The following RGS3 variants were observed in gnomAD, a reference collection of about 807,000 sequenced individuals.
The protein encoded by RGS3 is regulator of G-protein signalling 3.
A neutral mutation model predicts 132.6 loss-of-function variants in RGS3; 80 were observed. The ratio of observed to expected loss-of-function variants is 0.60; its 90% CI spans 0.50 to 0.73. The LOEUF (loss-of-function observed/expected upper bound fraction) is 0.73. Among genes scored for constraint, RGS3 ranks in the 30% least tolerant of loss-of-function variants. RGS3 has a pLI of 0.00. For missense variants in RGS3, 1,382 were observed against 1,530.8 expected (o/e 0.90, Z 1.62); for synonymous variants, 598 against 620.6 (o/e 0.96, Z 0.54).
chr9:113,473,553 T>A (rs1185566717), intron 3 of RGS3, among the ~76,000 whole-genome samples: 1 of 152,060 alleles, frequency 6.6e-6, no homozygotes, highest in Non-Finnish European at 1.5e-5. Flanking sequence ...CGGCTAATTT[T>A]AAAAAAACGT....
At chr9:113,593,990 C>G (rs1835587854) in intron 21 of RGS3, 2 of 1,613,096 alleles carry the variant, frequency 1.2e-6, no homozygotes, top group Non-Finnish European at 1.7e-6. Context: ...GAGGCTGTCC[C>G]TTGCAGACAC....
Position 113,565,631 on chromosome 9 carries a change from C to T in RGS3, c.2038-17819C>T, listed in dbSNP as rs866587947. ...CGGCCGCCAGGAGCTGCCACAGCCA[C>T]GGCCGCCCGCCTGCGGGAGGAGCCG... On this transcript the variant is annotated intron_variant, in intron 19 of 24. Transcript: ENST00000350696. The surrounding 1 kb of genome is among the most constrained non-coding windows in gnomAD (Gnocchi z 5.7). The T allele has an allele frequency of 1.6e-4, 42 of 268,420 alleles. No homozygotes were observed. Among genetic ancestry groups the T allele is most frequent in the Middle Eastern group, 1.5e-3 (1 of 688 alleles). 16.6% of individuals were successfully genotyped at this position (268,420 alleles called of 1,614,324 possible). A position where few individuals can be genotyped will look rare whatever the true frequency, so the allele number is the denominator to read the frequency against.
intron 21 of RGS3, chr9:113,592,890 G>GTGTA (rs1835515191): frequency 6.6e-6 from 1 of 152,194 alleles, no homozygotes; most frequent in African/African-American, 2.4e-5. Context: ...ACTGTTCTGT[G>GTGTA]TGTATTTCAT....
intron 7 of RGS3, among the ~76,000 whole-genome samples, chr9:113,491,124 TTATA>T (rs1014882737): frequency 1.4e-5 from 2 of 143,586 alleles, no homozygotes; most frequent in Non-Finnish European, 3.0e-5. Context: ...CATATAGAAA[TTATA>T]TATACTAATA....
chr9:113,459,824 A>G (rs1282335964), upstream of RGS3, among the ~76,000 whole-genome samples: 1 of 151,922 alleles, frequency 6.6e-6, no homozygotes, highest in East Asian at 1.9e-4. Context: ...AGATCACCTG[A>G]GGTCAGGAGT....
chr9:113,505,430 G>T lies in RGS3; in HGVS notation c.898-12G>T. On this transcript the variant is annotated splice_polypyrimidine_tract_variant and intron_variant, in intron 10 of 24. Transcript: ENST00000350696. ...CAGCTTCTGGCAGTGACCGGGCAGG[G>T]CTGTGTCCTAGATCACCATCCCGAG... is the stretch of plus-strand genomic sequence containing the variant. 1 of 1,613,686 alleles carries T rather than the reference G, an allele frequency of 6.2e-7. No homozygotes were observed. The highest frequency in any genetic ancestry group is 8.5e-7 in the Non-Finnish European group (1 of 1,179,588).
chr9:113,452,722 T>G (rs1240003660), intron 1 of RGS3, among the ~76,000 whole-genome samples: 1 of 150,942 alleles, frequency 6.6e-6, no homozygotes, highest in African/African-American at 2.4e-5. Flanking sequence ...ATCCATTTAT[T>G]CATTTATTTT....
At chr9:113,594,336 G>A in intron 21 of RGS3, 94 bp from the exon 20 acceptor site, 3 of 1,592,600 alleles carry the variant, frequency 1.9e-6, no homozygotes, top group South Asian at 2.3e-5. Flanking sequence ...ACACGATGAA[G>A]GAGTAGGTGC....
intron 19 of RGS3, among the ~76,000 whole-genome samples, chr9:113,572,984 T>C (rs1834357685): frequency 6.6e-6 from 1 of 152,258 alleles, no homozygotes; most frequent in Non-Finnish European, 1.5e-5. Context: ...ATGATGTCGA[T>C]GATCGTCATG....
chr9:113,485,506 T>C, intron 6 of RGS3, 119 bp from the exon 5 acceptor site: 2 of 665,970 alleles, frequency 3.0e-6, no homozygotes, highest in South Asian at 1.9e-5. Context: ...TAATATAGTT[T>C]ATTTAACCAG....
chr9:113,591,625 C>T lies in RGS3; in HGVS notation c.3080+228C>T. 1.9e-6 allele frequency: 1 copy of T among 523,456 alleles called. No homozygotes were observed. Among genetic ancestry groups the T allele is most frequent in the East Asian group, 3.1e-5 (1 of 31,752 alleles). The allele number at this position is 523,456 out of a possible 1,614,324, so 32.4% of individuals were successfully genotyped here. ...AGTGAGGCAAAGTGCTGATTCAGTACCCGGAAGCCACAGTGAACCAGAAGC... is the reference window on the plus strand; with the variant it reads ...AGTGAGGCAAAGTGCTGATTCAGTATCCGGAAGCCACAGTGAACCAGAAGC... On this transcript the variant is annotated intron_variant, in intron 21 of 24. Transcript: ENST00000350696. This position sits in a 1 kb window ranked among gnomAD's most constrained non-coding sequence, Gnocchi z 4.4.
chr9:113,581,257 G>A, intron 19 of RGS3: 1 of 152,796 alleles, frequency 6.5e-6, no homozygotes, highest in East Asian at 1.9e-4. Flanking sequence ...GTGCAGGGTG[G>A]CTTTGGGCAA....
chr9:113,538,841 C>G (rs1197417987), intron 19 of RGS3, among the ~76,000 whole-genome samples: 1 of 152,204 alleles, frequency 6.6e-6, no homozygotes, highest in Non-Finnish European at 1.5e-5. Context: ...AGAATTACCT[C>G]CCGGGCCTAA....
intron 17 of RGS3, among the ~76,000 whole-genome samples, chr9:113,526,319 G>A (rs571517133): frequency 3.2e-4 from 48 of 152,310 alleles, no homozygotes; most frequent in African/African-American, 1.1e-3. Context: ...TTCTGAGCAT[G>A]TCCTCAGAAC....
rs149925517 is a variant in RGS3 at position 113,463,817 on chromosome 9, G to A, written c.415+1616G>A. 5.2e-4 allele frequency: 837 copies of A among 1,612,600 alleles called. 4 individuals carry two copies. In the African/African-American group the frequency reaches 8.2e-3, roughly 16 times the overall value. ...AGTGGGACGCCATGGAGCGCTCCCT[G>A]CACCGCGTCTCCCTCGGGAGCCGGC... is the stretch of plus-strand genomic sequence containing the variant. On this transcript the variant is annotated intron_variant, in intron 3 of 24. Transcript: ENST00000350696. This position sits in a 1 kb window ranked among gnomAD's most constrained non-coding sequence, Gnocchi z 4.6.
chr9:113,501,265 G>A (rs1047172981), intron 10 of RGS3: 5 of 466,404 alleles, frequency 1.1e-5, no homozygotes, highest in African/African-American at 1.9e-5. Flanking sequence ...GGCCCATGGC[G>A]GAGAATGCAG....
chr9:113,484,134 C>T lies in RGS3; in HGVS notation c.526-4C>T. ...TAATCATGCTTCCTTTTTTCCAATTCAAGATTTCTTTGATCCCTGAAGATA... is the reference window on the plus strand; with the variant it reads ...TAATCATGCTTCCTTTTTTCCAATTTAAGATTTCTTTGATCCCTGAAGATA... On this transcript the variant is annotated splice_polypyrimidine_tract_variant and splice_region_variant and intron_variant, in intron 5 of 24. Transcript: ENST00000350696. The T allele has an allele frequency of 1.9e-6, 3 of 1,590,806 alleles. No homozygotes were observed. Among genetic ancestry groups the T allele is most frequent in the Non-Finnish European group, 2.6e-6 (3 of 1,159,390 alleles).
At position 113,501,571 on chromosome 9, in the gene RGS3, G is replaced by A. The variant is rs763507079; in HGVS notation, c.897+3491G>A. 7.7e-6 allele frequency: 12 copies of A among 1,548,830 alleles called. 1 individual carries two copies. The East Asian group carries it at 9.3e-5, about 12-fold the overall frequency. ...TGGGGCGGCAGCCGAGGCAGGACCC[G>A]CAGCCATGAACCGCTTCAATGGGCT... On this transcript the variant is annotated intron_variant, in intron 10 of 24. Coordinates refer to ENST00000350696, the Ensembl canonical transcript of RGS3.
chr9:113,573,256 C>T (rs904888960), intron 19 of RGS3, among the ~76,000 whole-genome samples: 13 of 152,208 alleles, frequency 8.5e-5, no homozygotes, highest in Non-Finnish European at 1.8e-4. Flanking sequence ...GGCTTCCCTC[C>T]TTCCACCTCT....
Sources: gnomAD v4.1 joint callset for allele counts (sites outside exome capture counted in the v4.1 genomes callset) on GRCh38, gnomAD v4.1.1 for gene constraint, Gnocchi (gnomAD v3.1) non-coding constraint, MANE v1.5 for transcripts, NCBI Gene and HGNC (gene_info 2026-07-23, HGNC 2026-07-21) for gene names.